MAGI1: variants seen among roughly 807,000 people sequenced by gnomAD.
MAGI1 encodes the protein membrane associated guanylate kinase, WW and PDZ domain containing 1.
A neutral mutation model predicts 139.9 loss-of-function variants in MAGI1; 58 were observed. The observed-to-expected ratio is 0.41, with a 90% CI of 0.34 to 0.52. The LOEUF (loss-of-function observed/expected upper bound fraction) is 0.52, where lower values mean the gene tolerates loss of function less well. Ranked by LOEUF, MAGI1 falls within the 20% of genes least tolerant of loss-of-function variation. The probability of loss-of-function intolerance (pLI) is 0.12; values close to 1 mark genes in which losing one functional copy is unlikely to be tolerated. For missense variants in MAGI1, 1,874 were observed against 1,901.6 expected (o/e 0.99, Z 0.27); for synonymous variants, 812 against 737.9 (o/e 1.10, Z -1.63).
intron 1 of MAGI1, among the ~76,000 whole-genome samples, chr3:65,875,329 T>C (rs2060075585): frequency 6.6e-6 from 1 of 152,240 alleles, no homozygotes; most frequent in Non-Finnish European, 1.5e-5. Flanking sequence ...CACAATTCTC[T>C]GAATATATTT....
At chr3:65,574,781 T>A (rs77467226) in intron 2 of MAGI1, among the ~76,000 whole-genome samples, 5,476 of 152,034 alleles carry the variant, frequency 0.036, 148 homozygotes, top group Middle Eastern at 0.075. Context: ...TGAAACAGAA[T>A]AGAGAATCAA....
intron 1 of MAGI1, among the ~76,000 whole-genome samples, chr3:65,664,969 C>T (rs906721570): frequency 6.6e-6 from 1 of 152,112 alleles, no homozygotes; most frequent in Non-Finnish European, 1.5e-5. Context: ...AACAACTGCC[C>T]TAAACCATTA....
At chr3:66,006,134 A>G (rs1286848529) in intron 1 of MAGI1, among the ~76,000 whole-genome samples, 1 of 152,218 alleles carries the variant, frequency 6.6e-6, no homozygotes, top group Non-Finnish European at 1.5e-5. Flanking sequence ...GAAATCTATC[A>G]CATTCATTTA....
chr3:65,388,834 A>ATTTTTTTT (rs35579495), intron 14 of MAGI1, among the ~76,000 whole-genome samples: 3 of 91,910 alleles, frequency 3.3e-5, no homozygotes, highest in African/African-American at 4.9e-5. Flanking sequence ...ACCATTCCGA[A>ATTTTTTTT]TTTTTTTTTT....
chr3:65,737,303 C>A (rs1029336179), intron 1 of MAGI1, among the ~76,000 whole-genome samples: 1 of 152,218 alleles, frequency 6.6e-6, no homozygotes, highest in African/African-American at 2.4e-5. Flanking sequence ...CTGCGCCCAG[C>A]GCATCAAGAC....
intron 1 of MAGI1, among the ~76,000 whole-genome samples, chr3:65,989,979 A>G (rs1488511082): frequency 6.6e-6 from 1 of 152,242 alleles, no homozygotes; most frequent in Non-Finnish European, 1.5e-5. Context: ...AAAGAAAAAT[A>G]TAAATAAAAC....
chr3:65,382,204 T>G, intron 15 of MAGI1, 135 bp from the exon 16 acceptor site: 1 of 672,704 alleles, frequency 1.5e-6, no homozygotes, highest in Non-Finnish European at 2.5e-6. Context: ...GAGCACCCAC[T>G]GTGTACAAGA....
chr3:65,619,920 A>C, intron 2 of MAGI1: 2 of 985,198 alleles, frequency 2.0e-6, no homozygotes, highest in Non-Finnish European at 2.4e-6. Context: ...TCACAGCCAT[A>C]AAACATCAAT....
chr3:65,929,612 C>T (rs1033727816), intron 1 of MAGI1, among the ~76,000 whole-genome samples: 1 of 152,026 alleles, frequency 6.6e-6, no homozygotes, highest in Non-Finnish European at 1.5e-5. Flanking sequence ...GGATTACAGG[C>T]GTGAGCCACC....
intron 1 of MAGI1, among the ~76,000 whole-genome samples, chr3:65,700,581 C>A (rs75810751): frequency 0.01 from 1,558 of 152,244 alleles, 29 homozygotes; most frequent in African/African-American, 0.036. Context: ...TAAAATCAAG[C>A]TTTGTATTCC....
At chr3:65,824,722 G>C (rs151302621) in intron 1 of MAGI1, among the ~76,000 whole-genome samples, 4,188 of 152,284 alleles carry the variant, frequency 0.028, 97 homozygotes, top group Middle Eastern at 0.037. Context: ...GCAGCATTCA[G>C]AGCTTGGGGG....
intron 1 of MAGI1, among the ~76,000 whole-genome samples, chr3:65,735,361 G>GTGTGTGTGTGTGTGTGTGTT (rs1221976758): frequency 8.5e-6 from 1 of 117,794 alleles, no homozygotes; most frequent in African/African-American, 2.9e-5. Context: ...CTGCACGTGT[G>GTGTGTGTGTGTGTGTGTGTT]TGTGTGTGTG....
chr3:65,628,623 C>T (rs1453433798), intron 1 of MAGI1, among the ~76,000 whole-genome samples: 2 of 152,074 alleles, frequency 1.3e-5, no homozygotes, highest in Non-Finnish European at 2.9e-5. Flanking sequence ...TTTGGGCATG[C>T]AGTCTAGACA....
Position 65,683,676 on chromosome 3 carries a change from ATGTATG to A in MAGI1, c.314-61594_314-61589del, listed in dbSNP as rs1264198916. On this transcript the variant is annotated intron_variant, in intron 1 of 22. Coordinates refer to ENST00000402939, the MANE Select transcript of MAGI1 (RefSeq NM_001033057.2). Reference sequence around the variant, plus strand: ...GAATAGGATATATATATATATATATATGTATGGCAAGCACATGAAAAGATGCTCAAC... The same window carrying A: ...GAATAGGATATATATATATATATATAGCAAGCACATGAAAAGATGCTCAAC... Among the ~76,000 whole-genome samples, 1,229 of 147,182 alleles carry A rather than the reference ATGTATG, an allele frequency of 8.4e-3. 21 individuals carry two copies. The highest frequency in any genetic ancestry group is 0.029 in the African/African-American group (1,153 of 40,018).
At chr3:65,934,934 C>G (rs1269630106) in intron 1 of MAGI1, among the ~76,000 whole-genome samples, 1 of 151,778 alleles carries the variant, frequency 6.6e-6, no homozygotes, top group Non-Finnish European at 1.5e-5. Flanking sequence ...GGTACAAACA[C>G]AGTAAAGAAC....
chr3:65,731,740 A>C (rs1350809869), intron 1 of MAGI1, among the ~76,000 whole-genome samples: 2 of 152,112 alleles, frequency 1.3e-5, no homozygotes, highest in African/African-American at 2.4e-5. Flanking sequence ...TTTAAATAAT[A>C]AATGGCGCTC....
chr3:65,878,130 A>T (rs1192296931), intron 1 of MAGI1, among the ~76,000 whole-genome samples: 1 of 152,066 alleles, frequency 6.6e-6, no homozygotes, highest in Non-Finnish European at 1.5e-5. Context: ...AGGAAAAAAA[A>T]CACAGGAACA....
At position 65,617,410 on chromosome 3, in the gene MAGI1, C is replaced by T. The variant is rs2083435514; in HGVS notation, c.430+4562G>A. ...AGCAGCAGTATAGTAAATGACAAGC[C>T]CTGTCAGGTAATGCATTTATCTTCA... On this transcript the variant is annotated intron_variant, in intron 2 of 22. Coordinates refer to ENST00000402939, the MANE Select transcript of MAGI1 (RefSeq NM_001033057.2). Among the ~76,000 whole-genome samples the T allele has an allele frequency of 2.6e-5, 4 of 152,098 alleles. No homozygotes were observed. The South Asian group carries it at 8.3e-4, about 32-fold the overall frequency.
chr3:65,847,542 T>C (rs2059048379), intron 1 of MAGI1, among the ~76,000 whole-genome samples: 1 of 152,210 alleles, frequency 6.6e-6, no homozygotes, highest in African/African-American at 2.4e-5. Flanking sequence ...ATGGAGATAG[T>C]CTCATCTCTA....
Sources: allele counts gnomAD v4.1 joint callset (sites outside exome capture counted in the v4.1 genomes callset), GRCh38; gene constraint gnomAD v4.1.1; transcripts MANE v1.5; gene names NCBI Gene and HGNC (gene_info 2026-07-23, HGNC 2026-07-21).